The following COQ2 variants were observed in gnomAD, a reference collection of about 807,000 sequenced individuals.
COQ2 encodes the protein coenzyme Q2, polyprenyltransferase.
In COQ2, 25 loss-of-function variants were observed where a neutral mutation model predicts 35.7. The observed-to-expected ratio is 0.70, with a 90% confidence interval of 0.51 to 0.98. The LOEUF (loss-of-function observed/expected upper bound fraction) is 0.98. Ranked by LOEUF, COQ2 falls within the 50% of genes least tolerant of loss-of-function variation. COQ2 has a pLI of 0.00. For missense variants in COQ2, 488 were observed against 473.5 expected (o/e 1.03, Z -0.28); for synonymous variants, 206 against 186.2 (o/e 1.11, Z -0.86).
Position 83,279,046 on chromosome 4 carries a change from C to T in COQ2, c.322G>A (p.Asp108Asn). The change falls in exon 2 of 7, where the codon GAT becomes AAT. Residue 108 changes from aspartate (D) to asparagine (N), a missense_variant. By Grantham distance (23) the Asp-to-Asn change is conservative. Coordinates refer to ENST00000647002, the MANE Select transcript of COQ2 (RefSeq NM_001358921.2). ...GLAAEPGCFP[D>N]WYMLSLFGTG... ...CCAAAGAGGGAGAGCATGTACCAAT[C>T]TGGAAAACAACCTGGTTCAGCTGCC... 6.2e-7 allele frequency: 1 copy of T among 1,601,126 alleles called. No individual in the cohort carries two copies. The highest frequency in any genetic ancestry group is 1.3e-5 in the African/African-American group (1 of 74,794).
At chr4:83,269,549 C>T (rs1734995717) in intron 5 of COQ2, among the ~76,000 whole-genome samples, 2 of 152,140 alleles carry the variant, frequency 1.3e-5, no homozygotes. Context: ...TCCTCAAAGA[C>T]TGTTGGGGGA....
At chr4:83,282,644 A>G (rs1055763705) in intron 1 of COQ2, 31 of 434,674 alleles carry the variant, frequency 7.1e-5, no homozygotes, top group African/African-American at 8.6e-5. Flanking sequence ...TCTTCAGCAC[A>G]TATTATGACA....
intron 5 of COQ2, 25 bp from the exon 6 acceptor site, chr4:83,267,799 T>C (rs1052389322): frequency 4.6e-6 from 7 of 1,516,554 alleles, no homozygotes; most frequent in African/African-American, 1.4e-5. Context: ...AAAAATAAAC[T>C]GTTTTTTGAG....
intron 1 of COQ2, chr4:83,283,561 A>G: frequency 8.1e-6 from 8 of 985,468 alleles, no homozygotes; most frequent in Non-Finnish European, 9.6e-6. Context: ...AGGGATCCAC[A>G]GTAATTTCTC....
chr4:83,268,800 G>T (rs1000251734), intron 5 of COQ2, among the ~76,000 whole-genome samples: 1 of 152,066 alleles, frequency 6.6e-6, no homozygotes, highest in Non-Finnish European at 1.5e-5. Context: ...GGGCATAGGG[G>T]GTTTAGTGGA....
At chr4:83,265,581 A>AAAC (rs144320009) in intron 6 of COQ2, among the ~76,000 whole-genome samples, 31,637 of 151,592 alleles carry the variant, frequency 0.21, 4,392 homozygotes, top group African/African-American at 0.4. Flanking sequence ...GTTTCAAAAC[A>AAAC]AACAACAACA....
At chr4:83,279,207 C>A in intron 1 of COQ2, 93 bp from the exon 2 acceptor site, 1 of 1,362,990 alleles carries the variant, frequency 7.3e-7, no homozygotes, top group Non-Finnish European at 9.6e-7. Context: ...AAATAAAGAA[C>A]ACTATAAGTC....
intron 3 of COQ2, among the ~76,000 whole-genome samples, chr4:83,273,047 C>T (rs1735086316): frequency 6.6e-6 from 1 of 152,180 alleles, no homozygotes; most frequent in African/African-American, 2.4e-5. Flanking sequence ...ATGAGTCCTC[C>T]CACTTCTTTC....
intron 2 of COQ2, among the ~76,000 whole-genome samples, chr4:83,275,371 G>A (rs1004272392): frequency 2.0e-5 from 3 of 151,596 alleles, no homozygotes; most frequent in Non-Finnish European, 4.4e-5. Context: ...GGGGTTACAA[G>A]CTCACGTTCC....
intron 6 of COQ2, chr4:83,266,921 T>A (rs892954939): frequency 1.8e-5 from 5 of 276,016 alleles, no homozygotes; most frequent in African/African-American, 7.0e-5. Flanking sequence ...GAAACCCAGA[T>A]TTTTTTTTAA....
chr4:83,264,896 C>T (rs548232058), intron 6 of COQ2, among the ~76,000 whole-genome samples: 47 of 152,316 alleles, frequency 3.1e-4, no homozygotes, highest in African/African-American at 1.1e-3. Flanking sequence ...CCCATTTGGG[C>T]AGGACAACTC....
intron 1 of COQ2, among the ~76,000 whole-genome samples, chr4:83,282,961 C>T (rs1735361051): frequency 6.6e-6 from 1 of 152,162 alleles, no homozygotes; most frequent in Non-Finnish European, 1.5e-5. Context: ...TAAGGCTACA[C>T]TGCCACTCCA....
chr4:83,273,690 A>G (rs1034786174), intron 2 of COQ2, 73 bp from the exon 3 acceptor site: 7 of 1,458,926 alleles, frequency 4.8e-6, no homozygotes, highest in Non-Finnish European at 5.7e-6. Context: ...TAATGAAGAG[A>G]CTGGCCCATG....
chr4:83,283,289 C>T lies in COQ2; in HGVS notation c.253+1223G>A, dbSNP rs991261937. 1.7e-5 allele frequency: 17 copies of T among 985,318 alleles called. No homozygotes were observed. In the Admixed American group the frequency reaches 7.4e-4, roughly 43 times the overall value. The allele number at this position is 985,318 out of a possible 1,614,324, so 61.0% of individuals were successfully genotyped here. On this transcript the variant is annotated intron_variant, in intron 1 of 6. Coordinates refer to ENST00000647002, the MANE Select transcript of COQ2 (RefSeq NM_001358921.2). ...ACTACATCTCCATACACTGCAATGGCAAATGTCATCATCTAGATTGGCTGG... is the reference window on the plus strand; with the variant it reads ...ACTACATCTCCATACACTGCAATGGTAAATGTCATCATCTAGATTGGCTGG...
At position 83,276,033 on chromosome 4, in the gene COQ2, T is replaced by G. The variant is rs1304899598; in HGVS notation, c.421-2416A>C. ...ATTATATATAATATATATTTTTATA[T>G]AATATATAAAATATATATTATATAT... On this transcript the variant is annotated intron_variant, in intron 2 of 6. Transcript: ENST00000647002. Among the ~76,000 whole-genome samples the G allele has an allele frequency of 6.3e-4, 14 of 22,264 alleles. 1 individual carries two copies. In the East Asian group the frequency reaches 0.06, roughly 95 times the overall value. The allele number at this position is 22,264 out of a possible 152,430, so 14.6% of individuals were successfully genotyped here.
intron 6 of COQ2, 116 bp downstream of exon 6, chr4:83,267,470 G>T: frequency 2.3e-6 from 2 of 888,248 alleles, no homozygotes; most frequent in Non-Finnish European, 3.4e-6. Flanking sequence ...GGTAGTAGAA[G>T]CCAAGTAGTT....
rs1002736939 is a variant in COQ2, at chr4:83,284,734, G to C, written c.31C>G (p.Arg11Gly). 6.6e-7 allele frequency: 1 copy of C among 1,522,952 alleles called. No homozygotes were observed. Among genetic ancestry groups the C allele is most frequent in the African/African-American group, 1.4e-5 (1 of 70,406 alleles). The allele number at this position is 1,522,952 out of a possible 1,614,324, so 94.3% of individuals were successfully genotyped here. The change falls in exon 1 of 7, where the codon CGG becomes GGG. Residue 11 changes from arginine (R) to glycine (G), a missense_variant. Coordinates refer to ENST00000647002, the MANE Select transcript of COQ2 (RefSeq NM_001358921.2). ...GCCAGTGCCACAGCCCGCAGGCCCC[G>C]CGCGAACCCCGCGGCTCGCGAGCCC... MLGSRAAGFA[R>G]GLRAVALAWL...
intron 4 of COQ2, 100 bp from the exon 5 acceptor site, chr4:83,270,093 C>G: frequency 7.7e-7 from 1 of 1,298,224 alleles, no homozygotes; most frequent in Non-Finnish European, 1.1e-6. Flanking sequence ...TCCTGGGTAT[C>G]AGACTCTGTG....
At chr4:83,283,578 C>T (rs978425380) in intron 1 of COQ2, 1 of 985,420 alleles carries the variant, frequency 1.0e-6, no homozygotes, top group Middle Eastern at 5.2e-4. Flanking sequence ...TCTCTTTTTC[C>T]TGTAGCACTT....
Sources: gnomAD v4.1 joint callset for allele counts (sites outside exome capture counted in the v4.1 genomes callset) on GRCh38, gnomAD v4.1.1 for gene constraint, MANE v1.5 for transcripts, NCBI Gene and HGNC (gene_info 2026-07-23, HGNC 2026-07-21) for gene names.